The following BBOF1 variants were observed in gnomAD, a reference collection of about 807,000 sequenced individuals.
BBOF1 encodes basal body orientation factor 1, also known as basal body-orientation factor 1.
BBOF1 carries 62 observed loss-of-function variants against 68.0 expected under a neutral mutation model. That is an observed-to-expected ratio of 0.91 (90% confidence interval 0.74 to 1.13). The LOEUF is 1.13. Among genes scored for constraint, BBOF1 ranks in the 50% most tolerant of loss-of-function variants. The pLI, the probability that BBOF1 is intolerant of heterozygous loss-of-function variation, is 0.00. For missense variants in BBOF1, 534 were observed against 600.1 expected (o/e 0.89, Z 1.15); for synonymous variants, 208 against 198.8 (o/e 1.05, Z -0.39).
intron 2 of BBOF1, among the ~76,000 whole-genome samples, chr14:74,028,748 A>G (rs1423024444): frequency 6.7e-6 from 1 of 148,868 alleles, no homozygotes; most frequent in Admixed American, 6.8e-5. Context: ...TTGCTCTGTC[A>G]CCCGGGCTGG....
rs1376487060 is a variant in BBOF1, at chr14:74,030,052, G to A, written c.351+803G>A. Among the ~76,000 whole-genome samples, 2 of 152,024 alleles carry A rather than the reference G, an allele frequency of 1.3e-5. 1 individual carries two copies. The highest frequency in any genetic ancestry group is 2.9e-5 in the Non-Finnish European group (2 of 68,020). Reference sequence around the variant, plus strand: ...ATTGCTGAAAACAGTTTAAGATTTTGGGGGGCATTTTTCTCCCTTAGGATA... The same window carrying A: ...ATTGCTGAAAACAGTTTAAGATTTTAGGGGGCATTTTTCTCCCTTAGGATA... On this transcript the variant is annotated intron_variant, in intron 3 of 11. Coordinates refer to ENST00000394009, the MANE Select transcript of BBOF1 (RefSeq NM_025057.3).
At chr14:74,023,425 G>A (rs1006146877) in intron 2 of BBOF1, among the ~76,000 whole-genome samples, 5 of 152,150 alleles carry the variant, frequency 3.3e-5, no homozygotes, top group African/African-American at 1.2e-4. Context: ...TTAAGGATAA[G>A]AGCATGGTAT....
At chr14:74,070,442 C>T (rs1281906171), downstream of BBOF1, among the ~76,000 whole-genome samples, 1 of 152,084 alleles carries the variant, frequency 6.6e-6, no homozygotes, top group African/African-American at 2.4e-5. Context: ...TTGCTTGAAC[C>T]TGGGAGGCAG....
At chr14:74,067,448 A>C (rs770285660), downstream of BBOF1, 1 of 1,614,184 alleles carries the variant, frequency 6.2e-7, no homozygotes, top group South Asian at 1.1e-5. Flanking sequence ...TTCTCCCACA[A>C]GGACTGCTGT....
intron 4 of BBOF1, among the ~76,000 whole-genome samples, chr14:74,035,054 T>A (rs775406703): frequency 6.6e-5 from 10 of 152,070 alleles, no homozygotes; most frequent in Non-Finnish European, 1.5e-4. Context: ...ATTGCACGAC[T>A]GCACTCCAGC....
chr14:74,020,475 A>G lies in BBOF1; in HGVS notation c.56+941A>G, dbSNP rs190137577. On this transcript the variant is annotated intron_variant, in intron 1 of 11. Transcript: ENST00000394009. ...TTCTACAGTGAGTATCAGTGGTCCTATTAGAGTGTCTAATTTCTTGCATCA... is the reference window on the plus strand; with the variant it reads ...TTCTACAGTGAGTATCAGTGGTCCTGTTAGAGTGTCTAATTTCTTGCATCA... Among the ~76,000 whole-genome samples, 17 of 152,022 alleles carry G rather than the reference A, an allele frequency of 1.1e-4. 1 individual carries two copies. Among genetic ancestry groups the G allele is most frequent in the African/African-American group, 3.9e-4 (16 of 41,476 alleles).
At chr14:74,028,846 T>C (rs924143708) in intron 2 of BBOF1, among the ~76,000 whole-genome samples, 2 of 152,010 alleles carry the variant, frequency 1.3e-5, no homozygotes, top group Non-Finnish European at 2.9e-5. Flanking sequence ...GTAGCTGGGA[T>C]TACAGGCATG....
At position 74,019,382 on chromosome 14, in the gene BBOF1, C is replaced by T; in HGVS notation, c.-97C>T. 1.4e-6 allele frequency: 2 copies of T among 1,473,428 alleles called. No homozygotes were observed. Among genetic ancestry groups the T allele is most frequent in the Non-Finnish European group, 1.8e-6 (2 of 1,105,520 alleles). 91.3% of individuals were successfully genotyped at this position (1,473,428 alleles called of 1,614,324 possible). A position where few individuals can be genotyped will look rare whatever the true frequency, so the allele number is the denominator to read the frequency against. ...CGCGCCGTCAGCGGCGCGGGTGGGG[C>T]ATTGCCAGCTCGGCGTCCCGGTTCC... On this transcript the variant is annotated 5_prime_UTR_variant, in exon 1 of 12. Coordinates refer to ENST00000394009, the MANE Select transcript of BBOF1 (RefSeq NM_025057.3).
At chr14:74,040,941 AGGGAAGATGGGAGTG>A in intron 5 of BBOF1, 1 of 373,670 alleles carries the variant, frequency 2.7e-6, no homozygotes, top group Non-Finnish European at 4.7e-6. Context: ...CCCATTATAT[AGGGAAGATGGGAGTG>A]GAGAAATCAC....
intron 5 of BBOF1, among the ~76,000 whole-genome samples, chr14:74,044,642 T>C (rs2059908609): frequency 6.6e-6 from 1 of 152,004 alleles, no homozygotes; most frequent in Non-Finnish European, 1.5e-5. Context: ...AAAATTTTTT[T>C]TGGCCAGGCG....
At chr14:74,067,708 G>A, downstream of BBOF1, 1 of 906,480 alleles carries the variant, frequency 1.1e-6, no homozygotes, top group Non-Finnish European at 1.8e-6. Context: ...AGGATAACTT[G>A]AGGTCAGGAG....
intron 8 of BBOF1, among the ~76,000 whole-genome samples, chr14:74,053,335 T>C (rs1027896912): frequency 2.0e-5 from 3 of 151,746 alleles, no homozygotes; most frequent in African/African-American, 4.8e-5. Context: ...AAGGTCTCGC[T>C]CTCCTGACCT....
intron 11 of BBOF1, chr14:74,058,402 G>A (rs975679510): frequency 2.7e-5 from 4 of 146,420 alleles, no homozygotes; most frequent in Non-Finnish European, 4.5e-5. Flanking sequence ...AAGGGGTACT[G>A]TAGTCTCAAA....
intron 8 of BBOF1, among the ~76,000 whole-genome samples, chr14:74,054,550 T>G (rs1426078428): frequency 6.6e-6 from 1 of 150,904 alleles, no homozygotes; most frequent in East Asian, 2.0e-4. Flanking sequence ...AGCTAATTTT[T>G]GTATTTTTAG....
intron 10 of BBOF1, among the ~76,000 whole-genome samples, chr14:74,080,037 T>A (rs1180703392): frequency 2.6e-5 from 4 of 151,290 alleles, no homozygotes; most frequent in Non-Finnish European, 4.4e-5. Flanking sequence ...GACCCTATCT[T>A]AAAAAAACAA....
intron 1 of BBOF1, among the ~76,000 whole-genome samples, chr14:74,021,392 C>G (rs1016925608): frequency 6.6e-6 from 1 of 151,898 alleles, no homozygotes; most frequent in Non-Finnish European, 1.5e-5. Flanking sequence ...TCAAGACCAG[C>G]CTGAACAACA....
At position 74,049,929 on chromosome 14, in the gene BBOF1, G is replaced by C. The variant is rs2060029797; in HGVS notation, c.1020G>C (p.Arg340Ser). ...KLQHLLQMKD[R>S]EMNRVKKLAK... Reference sequence around the variant, plus strand: ...AGCACCTTCTTCAGATGAAGGACAGGGAAATGAATCGTGTGAAGAAGCTGG... The same window carrying C: ...AGCACCTTCTTCAGATGAAGGACAGCGAAATGAATCGTGTGAAGAAGCTGG... The change falls in exon 8 of 12, where the codon AGG becomes AGC. Residue 340 changes from arginine to serine, a missense_variant. Transcript: ENST00000394009. 6.2e-7 allele frequency: 1 copy of C among 1,614,168 alleles called. No individual in the cohort carries two copies. Among genetic ancestry groups the C allele is most frequent in the African/African-American group, 1.3e-5 (1 of 75,052 alleles).
chr14:74,040,483 T>A, intron 4 of BBOF1, 82 bp from the exon 5 acceptor site: 2 of 840,830 alleles, frequency 2.4e-6, no homozygotes, highest in Non-Finnish European at 3.8e-6. Flanking sequence ...AAGCATTTCC[T>A]TATTGATAAT....
intron 2 of BBOF1, among the ~76,000 whole-genome samples, chr14:74,027,055 C>A (rs1005234637): frequency 2.7e-5 from 4 of 146,382 alleles, no homozygotes; most frequent in African/African-American, 1.0e-4. Flanking sequence ...TAAACACATA[C>A]ATGAATAAAT....
Sources: allele counts gnomAD v4.1 joint callset (sites outside exome capture counted in the v4.1 genomes callset), GRCh38; gene constraint gnomAD v4.1.1; transcripts MANE v1.5; gene names NCBI Gene and HGNC (gene_info 2026-07-23, HGNC 2026-07-21).